The following MAGI1 variants were observed in gnomAD, a reference collection of about 807,000 sequenced individuals.
The protein encoded by MAGI1 is membrane-associated guanylate kinase, WW and PDZ domain-containing protein 1.
Under a neutral mutation model 139.9 loss-of-function variants are expected in MAGI1, and 58 were observed. The observed-to-expected ratio is 0.41, with a 90% confidence interval of 0.34 to 0.52. The LOEUF (loss-of-function observed/expected upper bound fraction) is 0.52, where lower values mean the gene tolerates loss of function less well. MAGI1 is among the 20% of genes least tolerant of loss of function. The pLI is 0.12. For missense variants in MAGI1, 1,874 were observed against 1,901.6 expected, an observed-to-expected ratio of 0.99 and a Z score of 0.27; for synonymous variants, 812 against 737.9, an observed-to-expected ratio of 1.10 and a Z score of -1.63.
intron 1 of MAGI1, among the ~76,000 whole-genome samples, chr3:65,795,696 TACACACACAC>T (rs10527666): frequency 3.2e-4 from 44 of 138,928 alleles, no homozygotes; most frequent in Non-Finnish European, 5.1e-4. Flanking sequence ...GATGATAAGA[TACACACACAC>T]ACACACACAC....
intron 1 of MAGI1, among the ~76,000 whole-genome samples, chr3:65,664,822 G>A (rs1434454698): frequency 2.6e-5 from 4 of 152,076 alleles, no homozygotes; most frequent in African/African-American, 9.7e-5. Context: ...AGTCTATTTA[G>A]TGCCATTCTT....
intron 1 of MAGI1, among the ~76,000 whole-genome samples, chr3:65,831,215 C>T (rs890032649): frequency 4.6e-5 from 7 of 152,204 alleles, no homozygotes; most frequent in African/African-American, 1.7e-4. Context: ...ACTTAATGGA[C>T]AACTTCAAGC....
intron 1 of MAGI1, among the ~76,000 whole-genome samples, chr3:65,778,493 T>C (rs1029507173): frequency 4.0e-5 from 6 of 150,378 alleles, no homozygotes; most frequent in Admixed American, 6.7e-5. Flanking sequence ...AAAGGGAAGA[T>C]AACATTTGTT....
chr3:65,713,217 T>C (rs2031730943), intron 1 of MAGI1, among the ~76,000 whole-genome samples: 1 of 152,170 alleles, frequency 6.6e-6, no homozygotes, highest in African/African-American at 2.4e-5. Context: ...AACATCACCC[T>C]GTCTTCTGCT....
At chr3:65,369,260 G>C (rs1339053292) in intron 18 of MAGI1, among the ~76,000 whole-genome samples, 2 of 152,158 alleles carry the variant, frequency 1.3e-5, no homozygotes, top group Non-Finnish European at 2.9e-5. Context: ...CAAGGAAAGA[G>C]GAATCACGTT....
chr3:65,624,570 T>G (rs942118098), intron 1 of MAGI1, among the ~76,000 whole-genome samples: 1 of 152,224 alleles, frequency 6.6e-6, no homozygotes, highest in Admixed American at 6.5e-5. Context: ...TGGGATGGAC[T>G]AAAAAATTTT....
intron 1 of MAGI1, among the ~76,000 whole-genome samples, chr3:65,633,305 T>C (rs1207570467): frequency 6.6e-6 from 1 of 152,114 alleles, no homozygotes; most frequent in Non-Finnish European, 1.5e-5. Context: ...TGGAAGCTAT[T>C]CCCCGAGTGG....
chr3:65,910,855 C>CTTTTTTTTCT (rs2061634949), intron 1 of MAGI1, among the ~76,000 whole-genome samples: 2 of 59,484 alleles, frequency 3.4e-5, no homozygotes, highest in African/African-American at 1.6e-4. Flanking sequence ...ACATGGTGGA[C>CTTTTTTTTCT]TTTTTTTTTT....
At chr3:65,869,632 C>G (rs1025767630) in intron 1 of MAGI1, among the ~76,000 whole-genome samples, 7 of 152,018 alleles carry the variant, frequency 4.6e-5, no homozygotes, top group Non-Finnish European at 8.8e-5. Flanking sequence ...GATCTCCTGA[C>G]TTTGTGATCC....
chr3:65,837,354 G>C (rs17073940), intron 1 of MAGI1, among the ~76,000 whole-genome samples: 4 of 152,088 alleles, frequency 2.6e-5, no homozygotes, highest in African/African-American at 4.8e-5. Context: ...ACCTGCTGAC[G>C]GAAGATAAAG....
At chr3:65,462,493 C>T (rs894879838) in intron 5 of MAGI1, among the ~76,000 whole-genome samples, 1 of 152,132 alleles carries the variant, frequency 6.6e-6, no homozygotes, top group African/African-American at 2.4e-5. Context: ...TGTTTTGCTA[C>T]TGATACTATG....
At chr3:65,783,405 T>A (rs2039094082) in intron 1 of MAGI1, among the ~76,000 whole-genome samples, 1 of 152,004 alleles carries the variant, frequency 6.6e-6, no homozygotes, top group East Asian at 1.9e-4. Flanking sequence ...TCCGAACACT[T>A]TGAGAGGGCA....
At chr3:65,384,395 A>T (rs959248720) in intron 14 of MAGI1, among the ~76,000 whole-genome samples, 1 of 152,198 alleles carries the variant, frequency 6.6e-6, no homozygotes, top group Non-Finnish European at 1.5e-5. Context: ...ACAACTATTT[A>T]CATGGCATTT....
chr3:65,596,112 C>A (rs2082183127), intron 2 of MAGI1, among the ~76,000 whole-genome samples: 4 of 152,140 alleles, frequency 2.6e-5, no homozygotes, highest in Admixed American at 2.6e-4. Context: ...TTAATACAGG[C>A]TTCCAAGTGA....
At chr3:65,980,182 G>C (rs925604945) in intron 1 of MAGI1, among the ~76,000 whole-genome samples, 1 of 152,188 alleles carries the variant, frequency 6.6e-6, no homozygotes. Flanking sequence ...CCCCTTATTA[G>C]CTGTGTGACA....
intron 18 of MAGI1, 37 bp downstream of exon 18, chr3:65,375,708 A>AAGAG (rs3836224): frequency 4.6e-5 from 63 of 1,375,662 alleles, no homozygotes; most frequent in African/African-American, 3.5e-4. Context: ...GAGAGAGAAA[A>AAGAG]AGAGAGAGAG....
intron 1 of MAGI1, among the ~76,000 whole-genome samples, chr3:65,684,176 A>G (rs2087820643): frequency 6.7e-6 from 1 of 150,290 alleles, no homozygotes; most frequent in Non-Finnish European, 1.5e-5. Context: ...TCAAAAAAAA[A>G]AAAAAAAAAA....
intron 1 of MAGI1, among the ~76,000 whole-genome samples, chr3:65,640,034 G>A (rs1185557473): frequency 6.7e-6 from 1 of 149,292 alleles, no homozygotes. Flanking sequence ...TTTGAGCTGG[G>A]AATCAGTTTT....
chr3:65,806,402 C>G (rs1174001737), intron 1 of MAGI1, among the ~76,000 whole-genome samples: 1 of 151,842 alleles, frequency 6.6e-6, no homozygotes, highest in Non-Finnish European at 1.5e-5. Flanking sequence ...TCACTCCAGA[C>G]TGGCAACAGA....
Sources: allele counts gnomAD v4.1 joint callset (sites outside exome capture counted in the v4.1 genomes callset), GRCh38; gene constraint gnomAD v4.1.1; transcripts MANE v1.5; gene names NCBI Gene and HGNC (gene_info 2026-07-23, HGNC 2026-07-21).